The following GANC variants were observed in gnomAD, a reference collection of about 807,000 sequenced individuals.
The protein encoded by GANC is neutral alpha-glucosidase C.
A neutral mutation model predicts 124.2 loss-of-function variants in GANC; 117 were observed. That is an observed-to-expected ratio of 0.94 (90% CI 0.81 to 1.10). The LOEUF is 1.10. GANC is among the 50% of genes least tolerant of loss of function. The pLI is 0.00. For missense variants in GANC, 1,140 were observed against 1,095.0 expected, an observed-to-expected ratio of 1.04 and a Z score of -0.58; for synonymous variants, 377 against 376.8, an observed-to-expected ratio of 1.00 and a Z score of -0.01.
In GANC at chr15:42,296,513, C is replaced by T. The variant is rs888988818; in HGVS notation, c.513-1098C>T. Among the ~76,000 whole-genome samples, 5 of 152,264 alleles carry T rather than the reference C, an allele frequency of 3.3e-5. No individual in the cohort carries two copies. In the East Asian group the frequency reaches 9.7e-4, roughly 29 times the overall value. On this transcript the variant is annotated intron_variant, in intron 5 of 23. Transcript: ENST00000318010. The stretch of plus-strand genomic sequence containing the variant: ...GTTCAAGCAATTCTCCTGCCTCAGC[C>T]TCCCAAGTAGCTGTGATTACAGGTG...
intron 10 of GANC, among the ~76,000 whole-genome samples, chr15:42,316,365 T>C (rs2052101872): frequency 6.6e-6 from 1 of 151,914 alleles, no homozygotes; most frequent in African/African-American, 2.4e-5. Flanking sequence ...GCGCTGATAT[T>C]TATTGCATAC....
rs535615807 is a variant in GANC, at chr15:42,337,729, A to T, written c.1742-660A>T. Among the ~76,000 whole-genome samples the T allele has an allele frequency of 2.6e-5, 4 of 152,312 alleles. No homozygotes were observed. In the East Asian group the frequency reaches 7.7e-4, roughly 29 times the overall value. On this transcript the variant is annotated intron_variant, in intron 15 of 23. Coordinates refer to ENST00000318010, the MANE Select transcript of GANC (RefSeq NM_198141.3). ...ACCCCTGAACTTAAATATTTTTTTT[A>T]AATGAGCAAAAGATTTCTATAGACA...
chr15:42,291,289 G>T (rs927782110), intron 4 of GANC, among the ~76,000 whole-genome samples: 1 of 152,176 alleles, frequency 6.6e-6, no homozygotes, highest in Non-Finnish European at 1.5e-5. Context: ...GATTTGATAT[G>T]CTAGCTTGGG....
At chr15:42,280,546 G>A (rs898323080) in intron 3 of GANC, among the ~76,000 whole-genome samples, 2 of 152,112 alleles carry the variant, frequency 1.3e-5, no homozygotes, top group African/African-American at 4.8e-5. Context: ...GTCCATCAGA[G>A]GCCTTCCAGG....
At chr15:42,288,089 A>T (rs2051808388) in intron 4 of GANC, among the ~76,000 whole-genome samples, 1 of 152,126 alleles carries the variant, frequency 6.6e-6, no homozygotes, top group African/African-American at 2.4e-5. Flanking sequence ...GAGAAGCAGA[A>T]CTTTGATCCC....
intron 14 of GANC, 175 bp downstream of exon 14, chr15:42,329,624 CCTTTG>C (rs1307366538): frequency 2.2e-6 from 1 of 459,120 alleles, no homozygotes; most frequent in Admixed American, 4.0e-5. Flanking sequence ...ATTATTTCTC[CCTTTG>C]CTTCTTTTCT....
At position 42,321,714 on chromosome 15, in the gene GANC, A is replaced by C. The variant is rs575259360; in HGVS notation, c.1058-71A>C. On this transcript the variant is annotated intron_variant, in intron 10 of 23. Transcript: ENST00000318010. ...AGTGCTGAATACTCTGTAGACATTC[A>C]GGAAATGTTTATCAAATGAATAATG... is the stretch of plus-strand genomic sequence containing the variant. 3.6e-5 allele frequency: 46 copies of C among 1,287,892 alleles called. No individual in the cohort carries two copies. The African/African-American group carries it at 6.1e-4, about 17-fold the overall frequency. The allele number at this position is 1,287,892 out of a possible 1,614,324, so 79.8% of individuals were successfully genotyped here. A position where few individuals can be genotyped will look rare whatever the true frequency, so the allele number is the denominator to read the frequency against.
At chr15:42,296,583 G>C (rs1288715509) in intron 5 of GANC, among the ~76,000 whole-genome samples, 1 of 152,072 alleles carries the variant, frequency 6.6e-6, no homozygotes, top group African/African-American at 2.4e-5. Flanking sequence ...AGTAGAGACA[G>C]GGTTTCACCA....
intron 5 of GANC, among the ~76,000 whole-genome samples, chr15:42,296,587 T>C (rs1366915681): frequency 3.3e-5 from 5 of 152,148 alleles, no homozygotes; most frequent in Non-Finnish European, 7.4e-5. Flanking sequence ...GAGACAGGGT[T>C]TCACCATGTT....
rs755776448 is a variant in GANC at position 42,281,143 on chromosome 15, A to G, written c.201+2553A>G. ...CAAACTCCATGCTCAGGTATTAGAA[A>G]TATCAGAACCACATAGGGAATCTGC... On this transcript the variant is annotated intron_variant, in intron 3 of 23. Transcript: ENST00000318010. The G allele has an allele frequency of 6.3e-5, 44 of 701,972 alleles. 1 individual carries two copies. Among genetic ancestry groups the G allele is most frequent in the South Asian group, 5.6e-4 (38 of 67,562 alleles). 43.5% of individuals were successfully genotyped at this position (701,972 alleles called of 1,614,324 possible).
chr15:42,322,175 A>C (rs1033019500), intron 11 of GANC, among the ~76,000 whole-genome samples, 155 bp downstream of exon 11: 1 of 152,218 alleles, frequency 6.6e-6, no homozygotes, highest in African/African-American at 2.4e-5. Context: ...TAAGAGAGAA[A>C]GTGAATGGTA....
At chr15:42,295,168 A>T (rs1595767022) in intron 5 of GANC, among the ~76,000 whole-genome samples, 1 of 151,496 alleles carries the variant, frequency 6.6e-6, no homozygotes, top group Non-Finnish European at 1.5e-5. Flanking sequence ...TAGAGATGGG[A>T]TTTCACTGTG....
At chr15:42,287,417 A>C (rs572279770) in intron 3 of GANC, among the ~76,000 whole-genome samples, 1 of 152,284 alleles carries the variant, frequency 6.6e-6, no homozygotes, top group South Asian at 2.1e-4. Flanking sequence ...TGTAATTATT[A>C]ATAGAGACTT....
At chr15:42,298,061 C>G (rs1263273546) in intron 6 of GANC, among the ~76,000 whole-genome samples, 1 of 151,992 alleles carries the variant, frequency 6.6e-6, no homozygotes, top group East Asian at 1.9e-4. Flanking sequence ...GGGACCTGGC[C>G]AAGATGAGGG....
chr15:42,292,934 C>T lies in GANC; in HGVS notation c.512+17C>T, dbSNP rs1566951145. On this transcript the variant is annotated intron_variant, in intron 5 of 23. Coordinates refer to ENST00000318010, the MANE Select transcript of GANC (RefSeq NM_198141.3). ...CAAACAAAGGTATTCTTATGCATTA[C>T]TTGACACATAAAGACCTTAACATAA... The T allele has an allele frequency of 6.2e-7, 1 of 1,608,934 alleles. No homozygotes were observed. The highest frequency in any genetic ancestry group is 8.5e-7 in the Non-Finnish European group (1 of 1,175,720).
At chr15:42,303,556 C>T (rs1217102820) in intron 6 of GANC, among the ~76,000 whole-genome samples, 1 of 151,292 alleles carries the variant, frequency 6.6e-6, no homozygotes, top group Non-Finnish European at 1.5e-5. Context: ...AAGACATAGA[C>T]TGGCAAATTG....
intron 11 of GANC, among the ~76,000 whole-genome samples, chr15:42,322,703 C>A (rs924479467): frequency 6.6e-6 from 1 of 152,124 alleles, no homozygotes; most frequent in Non-Finnish European, 1.5e-5. Context: ...CTGCATGCTT[C>A]CCTGGTGGAC....
chr15:42,292,963 G>A (rs1210051628), intron 5 of GANC, 46 bp downstream of exon 5: 6 of 1,542,766 alleles, frequency 3.9e-6, no homozygotes, highest in Non-Finnish European at 5.3e-6. Context: ...AACATAACCT[G>A]GTTAATGAAT....
intron 17 of GANC, 152 bp downstream of exon 17, chr15:42,340,064 G>A (rs16973095): frequency 0.079 from 81,138 of 1,029,416 alleles, 4,219 homozygotes; most frequent in South Asian, 0.19. Flanking sequence ...ATTGAGCAGC[G>A]CGGTGAACAG....
Sources: allele counts gnomAD v4.1 joint callset (sites outside exome capture counted in the v4.1 genomes callset), GRCh38; gene constraint gnomAD v4.1.1; transcripts MANE v1.5; gene names NCBI Gene and HGNC (gene_info 2026-07-23, HGNC 2026-07-21).